The following CDH18 variants were observed in gnomAD, a reference collection of about 807,000 sequenced individuals.
The protein encoded by CDH18 is cadherin 18.
Under a neutral mutation model 67.9 loss-of-function variants are expected in CDH18, and 31 were observed. That is an observed-to-expected ratio of 0.46 (90% CI 0.34 to 0.62). The LOEUF is 0.62. Among genes scored for constraint, CDH18 ranks in the 20% least tolerant of loss-of-function variants. CDH18 has a pLI of 0.01. For missense variants in CDH18, 890 were observed against 975.5 expected (o/e 0.91, Z 1.17); for synonymous variants, 362 against 347.2 (o/e 1.04, Z -0.48).
intron 2 of CDH18, among the ~76,000 whole-genome samples, chr5:20,215,378 G>A (rs1740682091): frequency 6.6e-6 from 1 of 151,678 alleles, no homozygotes; most frequent in Non-Finnish European, 1.5e-5. Flanking sequence ...AAAGAAATAG[G>A]ATACATCTCC....
intron 2 of CDH18, among the ~76,000 whole-genome samples, chr5:20,086,468 T>C (rs559628215): frequency 8.5e-5 from 13 of 152,290 alleles, no homozygotes; most frequent in South Asian, 6.2e-4. Context: ...CAGTCTTCCA[T>C]TGGAAGAAGA....
At chr5:19,565,122 A>C (rs1298623617) in intron 8 of CDH18, among the ~76,000 whole-genome samples, 2 of 152,058 alleles carry the variant, frequency 1.3e-5, no homozygotes, top group African/African-American at 4.8e-5. Flanking sequence ...CATGAGAGGC[A>C]ACATCGAGGG....
Position 19,954,168 on chromosome 5 carries a change from T to C in CDH18, c.-257+26892A>G, listed in dbSNP as rs187991489. On this transcript the variant is annotated intron_variant, in intron 2 of 12. Coordinates refer to ENST00000382275, the MANE Select transcript of CDH18 (RefSeq NM_004934.5). ...ATCATCTGGGATTATGAACTGATAT[T>C]ATGAATAATGTGTGCTGCTTTTCAA... Among the ~76,000 whole-genome samples the C allele has an allele frequency of 2.0e-5, 3 of 152,196 alleles. No homozygotes were observed. In the East Asian group the frequency reaches 5.8e-4, roughly 29 times the overall value.
chr5:20,214,442 C>T (rs1740600171), intron 2 of CDH18, among the ~76,000 whole-genome samples: 1 of 152,046 alleles, frequency 6.6e-6, no homozygotes, highest in African/African-American at 2.4e-5. Context: ...TCAAGCTATA[C>T]TACAGGGCTA....
chr5:19,593,741 C>CTTG (rs1745699715), intron 6 of CDH18, among the ~76,000 whole-genome samples: 1 of 141,326 alleles, frequency 7.1e-6, no homozygotes, highest in South Asian at 2.3e-4. Context: ...TCTTCTTCTT[C>CTTG]TTCTTCTTCT....
intron 1 of CDH18, among the ~76,000 whole-genome samples, chr5:20,290,440 T>C (rs1747019010): frequency 6.6e-6 from 1 of 152,148 alleles, no homozygotes; most frequent in East Asian, 1.9e-4. Flanking sequence ...AACAAATATT[T>C]AAATGCCTGA....
At chr5:20,470,054 G>A (rs1751938861) in intron 1 of CDH18, among the ~76,000 whole-genome samples, 1 of 151,960 alleles carries the variant, frequency 6.6e-6, no homozygotes, top group Non-Finnish European at 1.5e-5. Context: ...TCATACTCTG[G>A]CAGCTCAACT....
chr5:19,845,338 A>T (rs1219183217), intron 2 of CDH18, among the ~76,000 whole-genome samples: 4 of 151,988 alleles, frequency 2.6e-5, no homozygotes, highest in Admixed American at 1.3e-4. Context: ...TTATTTCGCT[A>T]TTTATTTCTA....
rs74482917 is a variant in CDH18 at position 19,784,716 on chromosome 5, T to C, written c.229-37480A>G. On this transcript the variant is annotated intron_variant, in intron 3 of 12. Coordinates refer to ENST00000382275, the MANE Select transcript of CDH18 (RefSeq NM_004934.5). ...AGCAAAGTAATCTTACTTCATTTTT[T>C]AGAGCTTGCAAATATTCTTGGCCTT... 2.2e-4 allele frequency among the ~76,000 whole-genome samples: 34 copies of C among 152,284 alleles called. No individual in the cohort carries two copies. In the East Asian group the frequency reaches 6.4e-3, roughly 29 times the overall value.
intron 10 of CDH18, among the ~76,000 whole-genome samples, chr5:19,506,548 T>C (rs571969943): frequency 1.3e-5 from 2 of 152,280 alleles, no homozygotes; most frequent in South Asian, 4.1e-4. Flanking sequence ...ATGGTACTGG[T>C]ACCAAAACAG....
At chr5:20,183,733 T>C (rs1160599499) in intron 2 of CDH18, among the ~76,000 whole-genome samples, 1 of 152,122 alleles carries the variant, frequency 6.6e-6, no homozygotes, top group African/African-American at 2.4e-5. Flanking sequence ...GCTCCTAGGA[T>C]CCAGAGACTG....
At chr5:19,539,365 G>A (rs1749889658) in intron 9 of CDH18, among the ~76,000 whole-genome samples, 1 of 152,070 alleles carries the variant, frequency 6.6e-6, no homozygotes, top group Non-Finnish European at 1.5e-5. Flanking sequence ...TATATAATTA[G>A]GATGTTACTT....
At chr5:19,813,933 A>G (rs926344467) in intron 3 of CDH18, among the ~76,000 whole-genome samples, 2 of 151,990 alleles carry the variant, frequency 1.3e-5, no homozygotes, top group African/African-American at 4.8e-5. Flanking sequence ...GTCTATTGAG[A>G]ACAAATAAAA....
At chr5:20,558,296 G>A (rs1376330213) in intron 1 of CDH18, among the ~76,000 whole-genome samples, 1 of 152,040 alleles carries the variant, frequency 6.6e-6, no homozygotes, top group Admixed American at 6.6e-5. Context: ...TGCCTCCTAA[G>A]GAAAGTGTAT....
chr5:19,737,189 G>A (rs528303048), intron 4 of CDH18, among the ~76,000 whole-genome samples: 75 of 152,048 alleles, frequency 4.9e-4, no homozygotes, highest in Non-Finnish European at 9.0e-4. Flanking sequence ...CTCTATACCT[G>A]ACCATTGTGC....
chr5:20,174,950 C>A (rs556654373), intron 2 of CDH18, among the ~76,000 whole-genome samples: 115 of 152,094 alleles, frequency 7.6e-4, no homozygotes, highest in African/African-American at 2.7e-3. Flanking sequence ...TTTTTATACA[C>A]CGTGAAATAC....
chr5:19,809,803 A>C (rs527703341), intron 3 of CDH18, among the ~76,000 whole-genome samples: 1 of 152,280 alleles, frequency 6.6e-6, no homozygotes, highest in South Asian at 2.1e-4. Flanking sequence ...ATATTTCTCA[A>C]GTTAAAGTTT....
chr5:19,819,389 C>G (rs1351763878), intron 3 of CDH18, among the ~76,000 whole-genome samples: 2 of 152,102 alleles, frequency 1.3e-5, no homozygotes, highest in African/African-American at 4.8e-5. Context: ...GCTAAAATAT[C>G]GAGTAAACCA....
In CDH18 at chr5:19,960,613, G is replaced by GTA. The variant is rs769690261; in HGVS notation, c.-257+20445_-257+20446dup. Among the ~76,000 whole-genome samples, 127 of 131,476 alleles carry GTA rather than the reference G, an allele frequency of 9.7e-4. 2 individuals are homozygous for GTA. The highest frequency in any genetic ancestry group is 4.6e-3 in the Admixed American group (62 of 13,580). 86.3% of individuals were successfully genotyped at this position (131,476 alleles called of 152,430 possible). Reference sequence around the variant, plus strand: ...TGTATATATATATATACACACACGTGTATATATATACACGTGTATATGTAT... The same window carrying GTA: ...TGTATATATATATATACACACACGTGTATATATATATACACGTGTATATGTAT... On this transcript the variant is annotated intron_variant, in intron 2 of 12. Coordinates refer to ENST00000382275, the MANE Select transcript of CDH18 (RefSeq NM_004934.5).
Sources: gnomAD v4.1 joint callset for allele counts (sites outside exome capture counted in the v4.1 genomes callset) on GRCh38, gnomAD v4.1.1 for gene constraint, MANE v1.5 for transcripts, NCBI Gene and HGNC (gene_info 2026-07-23, HGNC 2026-07-21) for gene names.